Variants in RARRES1 observed in about 807,000 individuals in gnomAD.
The protein encoded by RARRES1 is retinoic acid receptor responder protein 1.
In RARRES1, 34 loss-of-function variants were observed where a neutral mutation model predicts 30.6. That is an observed-to-expected ratio of 1.11 (90% confidence interval 0.84 to 1.48). The LOEUF (loss-of-function observed/expected upper bound fraction) is 1.48. Ranked by LOEUF, RARRES1 falls within the 40% of genes most tolerant of loss-of-function variation. The pLI, the probability that RARRES1 is intolerant of heterozygous loss-of-function variation, is 0.00. For missense variants in RARRES1, 373 were observed against 386.5 expected (o/e 0.97, Z 0.29); for synonymous variants, 153 against 155.5 (o/e 0.98, Z 0.12).
chr3:158,730,117 C>T (rs922140347), intron 1 of RARRES1, among the ~76,000 whole-genome samples: 1 of 151,804 alleles, frequency 6.6e-6, no homozygotes, highest in South Asian at 2.1e-4. Flanking sequence ...GTCAGGAGTT[C>T]GAGAACAGCC....
chr3:158,713,404 G>C (rs758396672), intron 2 of RARRES1, among the ~76,000 whole-genome samples: 1 of 152,076 alleles, frequency 6.6e-6, no homozygotes, highest in African/African-American at 2.4e-5. Context: ...TTGGTCTCAC[G>C]CTGTGCTGGC....
At chr3:158,699,384 C>T (rs1403199676) in intron 4 of RARRES1, among the ~76,000 whole-genome samples, 4 of 151,534 alleles carry the variant, frequency 2.6e-5, no homozygotes, top group Admixed American at 1.3e-4. Context: ...CTTGTATTTT[C>T]GTTACATTAC....
At chr3:158,726,363 C>T (rs1174974162) in intron 1 of RARRES1, among the ~76,000 whole-genome samples, 1 of 152,218 alleles carries the variant, frequency 6.6e-6, no homozygotes, top group Non-Finnish European at 1.5e-5. Flanking sequence ...AGAGTAAGTG[C>T]TCTCCTAACT....
intron 4 of RARRES1, among the ~76,000 whole-genome samples, chr3:158,699,455 T>C (rs1726655593): frequency 7.4e-6 from 1 of 135,228 alleles, no homozygotes; most frequent in Admixed American, 7.3e-5. Flanking sequence ...ACCAAAAAAG[T>C]TTAGACTCCC....
At chr3:158,715,443 G>T (rs968677283) in intron 1 of RARRES1, among the ~76,000 whole-genome samples, 8 of 152,156 alleles carry the variant, frequency 5.3e-5, no homozygotes, top group Non-Finnish European at 1.0e-4. Flanking sequence ...GAGAAAAGGT[G>T]TCTGGGGAGG....
intron 3 of RARRES1, among the ~76,000 whole-genome samples, chr3:158,707,430 G>T (rs1726959419): frequency 6.6e-6 from 1 of 152,142 alleles, no homozygotes; most frequent in Admixed American, 6.5e-5. Context: ...AGAAGGAACT[G>T]GTTGACGGAG....
intron 1 of RARRES1, among the ~76,000 whole-genome samples, chr3:158,728,356 ACACTT>A (rs1434691901): frequency 6.6e-6 from 1 of 151,960 alleles, no homozygotes; most frequent in Non-Finnish European, 1.5e-5. Flanking sequence ...CCCATGAACT[ACACTT>A]CTCTTCCTTA....
chr3:158,702,163 G>A lies in RARRES1; in HGVS notation c.672+2628C>T, dbSNP rs139221569. Among the ~76,000 whole-genome samples, 575 of 152,016 alleles carry A rather than the reference G, an allele frequency of 3.8e-3. 3 individuals carry two copies. Among genetic ancestry groups the A allele is most frequent in the African/African-American group, 0.013 (532 of 41,452 alleles). ...AGCGATTCTCCTACCTCAGCCTCCC[G>A]AGTAGCTGGGACTACAGGTGCATGC... On this transcript the variant is annotated intron_variant, in intron 4 of 5. Transcript: ENST00000237696.
At chr3:158,729,703 C>T (rs112041086) in intron 1 of RARRES1, among the ~76,000 whole-genome samples, 24,158 of 152,038 alleles carry the variant, frequency 0.16, 2,075 homozygotes, top group Middle Eastern at 0.23. Context: ...CTGCCCACCT[C>T]GGCCTCCCAA....
intron 3 of RARRES1, among the ~76,000 whole-genome samples, chr3:158,706,060 CT>C (rs1378106467): frequency 5.9e-5 from 9 of 152,292 alleles, no homozygotes; most frequent in Non-Finnish European, 8.8e-5. Flanking sequence ...TACTAACAAA[CT>C]TATTAGGAAA....
Position 158,697,043 on chromosome 3 carries a change from A to G in RARRES1, c.*635T>C, listed in dbSNP as rs1726568415. The G allele has an allele frequency of 6.6e-6, 1 of 152,230 alleles. No homozygotes were observed. Among genetic ancestry groups the G allele is most frequent in the South Asian group, 2.1e-4 (1 of 4,838 alleles). 9.4% of individuals were successfully genotyped at this position (152,230 alleles called of 1,614,324 possible). A position where few individuals can be genotyped will look rare whatever the true frequency, so the allele number is the denominator to read the frequency against. On this transcript the variant is annotated 3_prime_UTR_variant, in exon 6 of 6. Transcript: ENST00000237696. ...TTAAGCAATATTACCATTTCATTTA[A>G]TTCCAGTTTAGCACAAATTTTTCCT...
Position 158,723,639 on chromosome 3 carries a change from G to C in RARRES1, c.276+8501C>G, listed in dbSNP as rs6441221. ...GGAGAGGAAAGCCAGAATACTGTGT[G>C]TCCTCTCTCTCAGCCAACCCTGGGT... is the stretch of plus-strand genomic sequence containing the variant. On this transcript the variant is annotated intron_variant, in intron 1 of 5. Coordinates refer to ENST00000237696, the MANE Select transcript of RARRES1 (RefSeq NM_206963.2). The surrounding 1 kb of genome is among the most constrained non-coding windows in gnomAD (Gnocchi z 4.4). Among the ~76,000 whole-genome samples, 28,672 of 152,222 alleles carry C rather than the reference G, an allele frequency of 0.19. 2,840 individuals are homozygous for C. Among genetic ancestry groups the C allele is most frequent in the Non-Finnish European group, 0.23 (15,692 of 68,012 alleles).
At chr3:158,729,606 T>A (rs567535266) in intron 1 of RARRES1, among the ~76,000 whole-genome samples, 1 of 152,016 alleles carries the variant, frequency 6.6e-6, no homozygotes, top group Non-Finnish European at 1.5e-5. Context: ...CCTGCCACCA[T>A]GCCCGGCTAA....
chr3:158,702,280 C>T (rs752935240), intron 4 of RARRES1, among the ~76,000 whole-genome samples: 217 of 152,236 alleles, frequency 1.4e-3, no homozygotes, highest in Non-Finnish European at 2.5e-3. Flanking sequence ...CCTCATGATC[C>T]GCCTGCCTCA....
At position 158,729,704 on chromosome 3, in the gene RARRES1, G is replaced by C. The variant is rs967980307; in HGVS notation, c.276+2436C>G. ...CCTGACCTTGTAATCTGCCCACCTC[G>C]GCCTCCCAAAGTGCTGAGATTACAG... On this transcript the variant is annotated intron_variant, in intron 1 of 5. Transcript: ENST00000237696. Among the ~76,000 whole-genome samples the C allele has an allele frequency of 4.6e-5, 7 of 151,990 alleles. No homozygotes were observed. The South Asian group carries it at 1.5e-3, about 32-fold the overall frequency.
intron 2 of RARRES1, 66 bp downstream of exon 2, chr3:158,713,731 A>G (rs915669599): frequency 6.9e-7 from 1 of 1,440,376 alleles, no homozygotes; most frequent in African/African-American, 1.4e-5. Context: ...TAAGATTCTC[A>G]CTTTTTTACA....
chr3:158,715,920 C>A (rs1180114084), intron 1 of RARRES1, among the ~76,000 whole-genome samples: 1 of 152,196 alleles, frequency 6.6e-6, no homozygotes, highest in Admixed American at 6.5e-5. Context: ...CTCTCACACT[C>A]CCAGCCACAT....
At chr3:158,712,206 CT>C (rs1727158147) in intron 2 of RARRES1, among the ~76,000 whole-genome samples, 1 of 152,076 alleles carries the variant, frequency 6.6e-6, no homozygotes, top group Non-Finnish European at 1.5e-5. Context: ...CTTCTTTTTA[CT>C]TTTGTGGTTG....
intron 1 of RARRES1, among the ~76,000 whole-genome samples, chr3:158,729,482 G>A (rs1043023230): frequency 5.3e-5 from 8 of 151,716 alleles, no homozygotes; most frequent in Admixed American, 5.2e-4. Flanking sequence ...ACGGAGTCTC[G>A]CTCTGTTGCC....
Sources: gnomAD v4.1 joint callset for allele counts (sites outside exome capture counted in the v4.1 genomes callset) on GRCh38, gnomAD v4.1.1 for gene constraint, Gnocchi (gnomAD v3.1) non-coding constraint, MANE v1.5 for transcripts, NCBI Gene and HGNC (gene_info 2026-07-23, HGNC 2026-07-21) for gene names.